The following DNAH10 variants were observed in gnomAD, a reference collection of about 807,000 sequenced individuals.
DNAH10 encodes axonemal beta dynein heavy chain 10.
DNAH10 carries 348 observed loss-of-function variants against 506.6 expected under a neutral mutation model. The ratio of observed to expected loss-of-function variants is 0.69; its 90% confidence interval spans 0.63 to 0.75. The LOEUF (loss-of-function observed/expected upper bound fraction) is 0.75. DNAH10 is among the 30% of genes least tolerant of loss of function. The probability of loss-of-function intolerance (pLI) is 0.00; values close to 1 mark genes in which losing one functional copy is unlikely to be tolerated. For synonymous variants in DNAH10, 2,059 were observed against 2,198.6 expected (o/e 0.94, Z 1.78); for missense variants, 5,179 against 5,787.1 (o/e 0.89, Z 3.41).
intron 2 of DNAH10, among the ~76,000 whole-genome samples, chr12:123,771,094 C>T (rs749042475): frequency 2.6e-5 from 4 of 151,884 alleles, no homozygotes; most frequent in South Asian, 2.1e-4. Context: ...CTCAGCCTCC[C>T]GAGTAGCTGC....
Position 123,929,561 on chromosome 12 carries a change from C to T in DNAH10, c.12516+77C>T, listed in dbSNP as rs183557763. The T allele has an allele frequency of 2.8e-4, 447 of 1,575,174 alleles. 3 individuals carry two copies. In the Middle Eastern group the frequency reaches 5.6e-3, roughly 20 times the overall value. Reference sequence around the variant, plus strand: ...CTCCCGACTTTCCTCCGGGTTCAACCACAGCAGGGTTGCACCGTTCCCAGC... The same window carrying T: ...CTCCCGACTTTCCTCCGGGTTCAACTACAGCAGGGTTGCACCGTTCCCAGC... On this transcript the variant is annotated intron_variant, in intron 71 of 78. Transcript: ENST00000673944.
chr12:123,765,522 G>A (rs1326656621), intron 1 of DNAH10, among the ~76,000 whole-genome samples: 3 of 151,410 alleles, frequency 2.0e-5, no homozygotes, highest in South Asian at 2.1e-4. Flanking sequence ...CCTACCAACC[G>A]ACTGATCTGT....
At chr12:123,782,679 T>C (rs1166851413) in intron 6 of DNAH10, among the ~76,000 whole-genome samples, 1 of 152,028 alleles carries the variant, frequency 6.6e-6, no homozygotes, top group African/African-American at 2.4e-5. Context: ...CTCAAAGTGT[T>C]GAGATTACAG....
At chr12:123,793,408 G>A (rs1420123550) in intron 11 of DNAH10, among the ~76,000 whole-genome samples, 2 of 150,428 alleles carry the variant, frequency 1.3e-5, no homozygotes, top group Admixed American at 6.7e-5. Flanking sequence ...GCGCCATCTC[G>A]GCTCACTACA....
At position 123,810,464 on chromosome 12, in the gene DNAH10, T is replaced by C. The variant is rs11833939; in HGVS notation, c.3144+1511T>C. ...TTGGGAGGCCGAGGTGGGTGGATCATGAGGTCAGGAGATTGAGACCATCCT... is the reference window on the plus strand; with the variant it reads ...TTGGGAGGCCGAGGTGGGTGGATCACGAGGTCAGGAGATTGAGACCATCCT... On this transcript the variant is annotated intron_variant, in intron 19 of 78. Transcript: ENST00000673944. Among the ~76,000 whole-genome samples, 1,194 of 152,236 alleles carry C rather than the reference T, an allele frequency of 7.8e-3. 30 individuals are homozygous for C. The highest frequency in any genetic ancestry group is 0.027 in the African/African-American group (1,117 of 41,564).
At chr12:123,804,098 C>T (rs557691419) in intron 17 of DNAH10, among the ~76,000 whole-genome samples, 1 of 152,158 alleles carries the variant, frequency 6.6e-6, no homozygotes, top group East Asian at 1.9e-4. Flanking sequence ...CACTATGTTG[C>T]CCAGGCTGGT....
intron 35 of DNAH10, among the ~76,000 whole-genome samples, chr12:123,851,521 G>C (rs1331203656): frequency 2.0e-5 from 3 of 152,146 alleles, no homozygotes; most frequent in Admixed American, 6.5e-5. Context: ...TGCACAAGAG[G>C]TTGCAACAAT....
At chr12:123,893,614 G>A (rs550086638) in intron 53 of DNAH10, among the ~76,000 whole-genome samples, 178 bp downstream of exon 53, 10 of 152,348 alleles carry the variant, frequency 6.6e-5, no homozygotes, top group East Asian at 3.9e-4. Context: ...GTGCCAGTGG[G>A]CGTGAGTGAT....
intron 19 of DNAH10, among the ~76,000 whole-genome samples, chr12:123,811,908 A>AGAGGCAGGTGCCTCTGCAC (rs1958950587): frequency 6.6e-6 from 1 of 151,998 alleles, no homozygotes; most frequent in Non-Finnish European, 1.5e-5. Context: ...AAGTGCTGGG[A>AGAGGCAGGTGCCTCTGCAC]TTACAGGTGC....
intron 18 of DNAH10, among the ~76,000 whole-genome samples, 190 bp from the exon 19 acceptor site, chr12:123,808,607 C>T (rs1420972298): frequency 6.6e-6 from 1 of 152,108 alleles, no homozygotes; most frequent in East Asian, 1.9e-4. Flanking sequence ...TGGAAATGAA[C>T]TGTTTGTATA....
chr12:123,784,153 C>T lies in DNAH10; in HGVS notation c.1206C>T (p.Leu402=). ...HTEASDNVRF[L]STVERYFKNI... ...AGGCCTCAGACAATGTGCGCTTTCTCTCCACCGTGGAGCGTTATTTCAAGG... is the reference window on the plus strand; with the variant it reads ...AGGCCTCAGACAATGTGCGCTTTCTTTCCACCGTGGAGCGTTATTTCAAGG... The change falls in exon 8 of 79, where the codon CTC becomes CTT. Residue 402 remains leucine, a synonymous_variant. Coordinates refer to ENST00000673944, the MANE Select transcript of DNAH10 (RefSeq NM_001372106.1). 1 of 1,614,230 alleles carries T rather than the reference C, an allele frequency of 6.2e-7. No homozygotes were observed. Among genetic ancestry groups the T allele is most frequent in the Non-Finnish European group, 8.5e-7 (1 of 1,180,046 alleles).
chr12:123,872,165 T>A (rs952233162), intron 45 of DNAH10, among the ~76,000 whole-genome samples: 1 of 152,152 alleles, frequency 6.6e-6, no homozygotes, highest in Non-Finnish European at 1.5e-5. Flanking sequence ...TCTAAAACTT[T>A]GCAAGTGTTT....
chr12:123,908,323 C>T (rs760023575), intron 57 of DNAH10: 2 of 456,084 alleles, frequency 4.4e-6, no homozygotes, highest in Non-Finnish European at 8.8e-6. Context: ...CCTCTTTCTT[C>T]TCTGGCTCAC....
rs1165168838 is a variant in DNAH10, at chr12:123,853,358, G to A, written c.6438+6G>A. On this transcript the variant is annotated splice_donor_region_variant and intron_variant, in intron 36 of 78. Transcript: ENST00000673944. This position sits in a 1 kb window ranked among gnomAD's most constrained non-coding sequence, Gnocchi z 4.7. ...GCTCCTCTGACCTTAGGGAGGTAGG[G>A]GCCACGTGCTGGAACATTCTCTGGT... is the stretch of plus-strand genomic sequence containing the variant. 6.2e-7 allele frequency: 1 copy of A among 1,608,104 alleles called. No individual in the cohort carries two copies. The highest frequency in any genetic ancestry group is 1.7e-5 in the Admixed American group (1 of 58,790).
chr12:123,881,605 T>C lies in DNAH10; in HGVS notation c.8635-20T>C. 3.1e-6 allele frequency: 1 copy of C among 318,924 alleles called. No individual in the cohort carries two copies. The highest frequency in any genetic ancestry group is 4.4e-6 in the Non-Finnish European group (1 of 228,532). 19.8% of individuals were successfully genotyped at this position (318,924 alleles called of 1,614,324 possible). On this transcript the variant is annotated intron_variant, in intron 50 of 78. Coordinates refer to ENST00000673944, the MANE Select transcript of DNAH10 (RefSeq NM_001372106.1). ...CCCACCATGCTGGGTTTTGAATTCT[T>C]TTTTTTTTTTTAAATGCAGGAAATT...
intron 70 of DNAH10, 78 bp from the exon 71 acceptor site, chr12:123,929,197 A>G: frequency 3.5e-6 from 5 of 1,419,430 alleles, no homozygotes; most frequent in East Asian, 2.5e-5. Context: ...AGGAAAGCGC[A>G]GTGCCTGCAT....
At chr12:123,835,121 G>C (rs1565966932) in intron 27 of DNAH10, among the ~76,000 whole-genome samples, 1 of 152,204 alleles carries the variant, frequency 6.6e-6, no homozygotes, top group African/African-American at 2.4e-5. Flanking sequence ...TGGGTCACAG[G>C]CTTCACCCTC....
intron 3 of DNAH10, 40 bp from the exon 4 acceptor site, chr12:123,772,794 G>A (rs761652224): frequency 3.5e-6 from 5 of 1,443,950 alleles, no homozygotes; most frequent in South Asian, 1.2e-5. Flanking sequence ...GTGAATGGAT[G>A]TATCACAAGA....
Position 123,875,379 on chromosome 12 carries a change from G to T in DNAH10, c.8087G>T (p.Arg2696Leu), listed in dbSNP as rs138605404. The T allele has an allele frequency of 1.9e-6, 3 of 1,613,884 alleles. No homozygotes were observed. In the African/African-American group the frequency reaches 4.0e-5, roughly 22 times the overall value. Residue 2696 changes from arginine (R) to leucine (L), a missense_variant, in exon 47 of 79, where the codon CGC (arginine) becomes CTC (leucine). This residue lies in a region of DNAH10 where 4,844 missense variants were observed against 5,430.5 expected (regional missense o/e 0.89). Coordinates refer to ENST00000673944, the MANE Select transcript of DNAH10 (RefSeq NM_001372106.1). ...GCAATGGGAAAGGCTGGAGGAGGCC[G>T]CAATGAAGTTGACCCAAGATTTATT... is the stretch of plus-strand genomic sequence containing the variant. ...IAAMGKAGGG[R>L]NEVDPRFISL...
Sources: gnomAD v4.1 joint callset for allele counts (sites outside exome capture counted in the v4.1 genomes callset) on GRCh38, gnomAD v4.1.1 for gene constraint, gnomAD v4.1.1 regional missense constraint, Gnocchi (gnomAD v3.1) non-coding constraint, MANE v1.5 for transcripts, NCBI Gene and HGNC (gene_info 2026-07-23, HGNC 2026-07-21) for gene names.